Variants in GRIK1 observed in about 807,000 individuals in gnomAD.
GRIK1 encodes glutamate ionotropic receptor kainate type subunit 1, also known as glutamate receptor ionotropic, kainate 1.
Under a neutral mutation model 105.7 loss-of-function variants are expected in GRIK1, and 69 were observed. The ratio of observed to expected loss-of-function variants is 0.65; its 90% CI spans 0.54 to 0.80. The LOEUF is 0.80. Among genes scored for constraint, GRIK1 ranks in the 30% least tolerant of loss-of-function variants. GRIK1 has a pLI of 0.00. For synonymous variants in GRIK1, 438 were observed against 431.3 expected (o/e 1.02, Z -0.19); for missense variants, 1,109 against 1,167.3 (o/e 0.95, Z 0.73).
At chr21:29,834,281 T>G (rs1420343067) in intron 1 of GRIK1, among the ~76,000 whole-genome samples, 1 of 149,848 alleles carries the variant, frequency 6.7e-6, no homozygotes, top group Non-Finnish European at 1.5e-5. Context: ...ATTTATTTTT[T>G]GAAAACTATT....
At chr21:29,848,646 T>C (rs1363957602) in intron 1 of GRIK1, among the ~76,000 whole-genome samples, 15 of 151,642 alleles carry the variant, frequency 9.9e-5, no homozygotes, top group Non-Finnish European at 1.9e-4. Flanking sequence ...CTTTCTTCAG[T>C]TCTTAATATC....
intron 1 of GRIK1, among the ~76,000 whole-genome samples, chr21:29,818,983 TA>T (rs1191705117): frequency 1.3e-5 from 2 of 152,052 alleles, no homozygotes; most frequent in Non-Finnish European, 2.9e-5. Context: ...TCCCTCTCCT[TA>T]ACTGGCCCTA....
chr21:29,843,604 G>C (rs1319011181), intron 1 of GRIK1, among the ~76,000 whole-genome samples: 1 of 152,092 alleles, frequency 6.6e-6, no homozygotes, highest in Non-Finnish European at 1.5e-5. Context: ...TATTTTAAAG[G>C]ATTTCTTATT....
At chr21:29,813,698 G>A (rs922946528) in intron 1 of GRIK1, among the ~76,000 whole-genome samples, 4 of 152,072 alleles carry the variant, frequency 2.6e-5, no homozygotes, top group African/African-American at 9.7e-5. Context: ...CACCAAGGTA[G>A]CAATTCCTTC....
chr21:29,560,578 C>CTTTCTTTCTTTCTTTCTT (rs2090452001), intron 15 of GRIK1, among the ~76,000 whole-genome samples: 1 of 47,922 alleles, frequency 2.1e-5, no homozygotes, highest in Admixed American at 2.9e-4. Flanking sequence ...CTTTCTTTCT[C>CTTTCTTTCTTTCTTTCTT]TCTTTCTTTC....
chr21:29,697,576 C>T (rs1031652193), intron 1 of GRIK1, among the ~76,000 whole-genome samples: 3 of 152,010 alleles, frequency 2.0e-5, no homozygotes, highest in Middle Eastern at 3.4e-3. Flanking sequence ...CGGATAAATG[C>T]GAAAAATCTA....
intron 1 of GRIK1, among the ~76,000 whole-genome samples, chr21:29,811,625 T>G (rs1319779482): frequency 1.3e-5 from 2 of 152,146 alleles, no homozygotes; most frequent in Non-Finnish European, 2.9e-5. Context: ...GTCCAGTCCA[T>G]TTGTGTGATG....
chr21:29,560,458 TCC>T (rs2090421579), intron 15 of GRIK1, among the ~76,000 whole-genome samples: 1 of 138,404 alleles, frequency 7.2e-6, no homozygotes, highest in Non-Finnish European at 1.5e-5. Context: ...TCCCTTTCTT[TCC>T]TTCCTTTCCT....
chr21:29,572,569 A>T (rs56124989), intron 14 of GRIK1, among the ~76,000 whole-genome samples: 1 of 151,966 alleles, frequency 6.6e-6, no homozygotes, highest in East Asian at 1.9e-4. Context: ...ACTCTTTTAG[A>T]TTCTGGTGAC....
At chr21:29,701,670 GA>G (rs1470875445) in intron 1 of GRIK1, among the ~76,000 whole-genome samples, 2 of 152,206 alleles carry the variant, frequency 1.3e-5, no homozygotes, top group African/African-American at 4.8e-5. Context: ...AGAATAGACT[GA>G]AGGGAGGAGA....
chr21:29,598,703 A>G, intron 8 of GRIK1, 127 bp downstream of exon 8: 1 of 530,380 alleles, frequency 1.9e-6, no homozygotes, highest in Non-Finnish European at 3.3e-6. Context: ...GAGAGATAAA[A>G]AACTGGATGT....
intron 1 of GRIK1, among the ~76,000 whole-genome samples, chr21:29,905,492 C>A (rs1358256566): frequency 1.3e-5 from 2 of 151,094 alleles, no homozygotes; most frequent in African/African-American, 2.4e-5. Context: ...TCCACCCAGG[C>A]TGGAGTGCAG....
intron 1 of GRIK1, among the ~76,000 whole-genome samples, chr21:29,785,986 G>A (rs891065903): frequency 1.3e-5 from 2 of 152,280 alleles, no homozygotes; most frequent in Admixed American, 6.5e-5. Flanking sequence ...TCTCTCCTCT[G>A]TGTGTTTTGG....
chr21:29,646,401 G>A (rs1373975648), intron 6 of GRIK1, among the ~76,000 whole-genome samples: 1 of 152,222 alleles, frequency 6.6e-6, no homozygotes, highest in Non-Finnish European at 1.5e-5. Flanking sequence ...TGCTTTTTCT[G>A]TGTGGACTCT....
chr21:29,807,338 C>A (rs770196460), intron 1 of GRIK1, among the ~76,000 whole-genome samples: 3 of 152,078 alleles, frequency 2.0e-5, no homozygotes, highest in Non-Finnish European at 4.4e-5. Flanking sequence ...GGTGGCAGTA[C>A]AACTTTGGTC....
chr21:29,870,889 T>TG (rs1172212146), intron 1 of GRIK1, among the ~76,000 whole-genome samples: 2 of 152,122 alleles, frequency 1.3e-5, no homozygotes, highest in Admixed American at 1.3e-4. Context: ...CGTAAACTTT[T>TG]GGGTACCTGG....
chr21:29,794,046 TA>T (rs1360597965), intron 1 of GRIK1, among the ~76,000 whole-genome samples: 1 of 152,090 alleles, frequency 6.6e-6, no homozygotes, highest in Non-Finnish European at 1.5e-5. Flanking sequence ...CTCATGAGAA[TA>T]AAAGGACTGT....
intron 16 of GRIK1, among the ~76,000 whole-genome samples, chr21:29,547,113 G>A (rs1037354707): frequency 6.6e-6 from 1 of 151,844 alleles, no homozygotes; most frequent in African/African-American, 2.4e-5. Flanking sequence ...TCTCTTTTTT[G>A]TCTTGTTTTA....
chr21:29,619,991 T>C (rs766918264), intron 7 of GRIK1, among the ~76,000 whole-genome samples: 10 of 152,232 alleles, frequency 6.6e-5, no homozygotes, highest in Admixed American at 1.3e-4. Context: ...ATAGTCACGG[T>C]TCTCTTTACT....
Sources: allele counts gnomAD v4.1 joint callset (sites outside exome capture counted in the v4.1 genomes callset), GRCh38; gene constraint gnomAD v4.1.1; transcripts MANE v1.5; gene names NCBI Gene and HGNC (gene_info 2026-07-23, HGNC 2026-07-21).